ABCA1: variants seen among roughly 807,000 people sequenced by gnomAD.
ABCA1 encodes the protein phospholipid-transporting ATPase ABCA1.
Under a neutral mutation model 262.5 loss-of-function variants are expected in ABCA1, and 133 were observed. That is an observed-to-expected ratio of 0.51 (90% confidence interval 0.44 to 0.59). ABCA1 has a LOEUF of 0.59. ABCA1 is among the 20% of genes least tolerant of loss of function. ABCA1 has a pLI of 0.00. For synonymous variants in ABCA1, 1,022 were observed against 1,043.5 expected (o/e 0.98, Z 0.40); for missense variants, 2,452 against 2,777.5 (o/e 0.88, Z 2.63).
chr9:104,872,299 A>G (rs1351568737), intron 5 of ABCA1, among the ~76,000 whole-genome samples: 1 of 152,212 alleles, frequency 6.6e-6, no homozygotes, highest in African/African-American at 2.4e-5. Flanking sequence ...TTTGACTGCA[A>G]AGCTTTGGTT....
In ABCA1 at chr9:104,826,991, A is replaced by C; in HGVS notation, c.2294T>G (p.Val765Gly). 6.2e-7 allele frequency: 1 copy of C among 1,614,198 alleles called. No individual in the cohort carries two copies. The highest frequency in any genetic ancestry group is 8.5e-7 in the Non-Finnish European group (1 of 1,180,036). Residue 765 changes from valine to glycine, a missense_variant, in exon 16 of 50, where the codon GTG becomes GGG. Val to Gly is a moderately radical substitution (Grantham distance 109). Transcript: ENST00000374736. ...GAAGCCCACGTAGTCCTGCCATGCC[A>C]CACACAGGACGTAGGGCAGGTACAG... Reference protein sequence around the residue: ...FTLYLPYVLCVAWQDYVGFTL... With the variant: ...FTLYLPYVLCGAWQDYVGFTL...
At chr9:104,858,788 T>C (rs1836074460) in intron 6 of ABCA1, 90 bp from the exon 7 acceptor site, 2 of 1,283,698 alleles carry the variant, frequency 1.6e-6, no homozygotes, top group Non-Finnish European at 2.3e-6. Flanking sequence ...GAACTTCATA[T>C]CAATACAGCT....
At chr9:104,862,640 G>C (rs28523599) in intron 5 of ABCA1, among the ~76,000 whole-genome samples, 198 of 1,762 alleles carry the variant, frequency 0.11, 3 homozygotes, top group East Asian at 0.2. Flanking sequence ...CTGCCGGGCC[G>C]GGCCGGGCCG....
At chr9:104,889,318 C>G (rs1839499188) in intron 2 of ABCA1, 123 bp from the exon 3 acceptor site, 1 of 1,534,910 alleles carries the variant, frequency 6.5e-7, no homozygotes, top group Non-Finnish European at 8.8e-7. Context: ...CCAGTCTCTC[C>G]CACCACTCTC....
rs1461343844 is a variant in ABCA1 at position 104,873,617 on chromosome 9, G to A, written c.421+9422C>T. Among the ~76,000 whole-genome samples the A allele has an allele frequency of 2.6e-5, 4 of 152,168 alleles. No homozygotes were observed. The East Asian group carries it at 7.7e-4, about 29-fold the overall frequency. The stretch of plus-strand genomic sequence containing the variant: ...AAACTGGAATTCTGGTCCTATTACT[G>A]CCCCTTGCCAGCTGTGCTTTCTTAG... On this transcript the variant is annotated intron_variant, in intron 5 of 49. Coordinates refer to ENST00000374736, the MANE Select transcript of ABCA1 (RefSeq NM_005502.4).
At chr9:104,792,441 G>A (rs1829507811) in intron 42 of ABCA1, among the ~76,000 whole-genome samples, 1 of 152,120 alleles carries the variant, frequency 6.6e-6, no homozygotes, top group African/African-American at 2.4e-5. Flanking sequence ...CAATATATCA[G>A]CTTTTTGGAC....
chr9:104,800,421 T>C, intron 35 of ABCA1, 89 bp downstream of exon 35: 2 of 1,284,186 alleles, frequency 1.6e-6, no homozygotes, highest in Non-Finnish European at 2.3e-6. Flanking sequence ...TGAATGCCCC[T>C]GCCAACTTTA....
chr9:104,803,411 G>A (rs1452968047), intron 32 of ABCA1, 95 bp from the exon 33 acceptor site: 21 of 1,254,520 alleles, frequency 1.7e-5, no homozygotes, highest in Non-Finnish European at 2.2e-5. Flanking sequence ...GAGGATATAA[G>A]GAACGGACAG....
intron 6 of ABCA1, among the ~76,000 whole-genome samples, chr9:104,861,064 C>T (rs1168141801): frequency 6.6e-6 from 1 of 152,104 alleles, no homozygotes; most frequent in Non-Finnish European, 1.5e-5. Flanking sequence ...GAAGTGATCT[C>T]GTCCATCCCA....
chr9:104,801,993 C>T (rs917103761), intron 34 of ABCA1, 61 bp downstream of exon 34: 3 of 1,476,544 alleles, frequency 2.0e-6, no homozygotes, highest in Middle Eastern at 1.7e-4. Flanking sequence ...CTGCCAACTA[C>T]TCCTATATCC....
chr9:104,831,688 T>A lies in ABCA1; in HGVS notation c.1649A>T (p.His550Leu), dbSNP rs1248100757. 5.0e-6 allele frequency: 8 copies of A among 1,614,092 alleles called. No homozygotes were observed. Among genetic ancestry groups the A allele is most frequent in the East Asian group, 2.2e-5 (1 of 44,898 alleles). ...CATTCGGATCTTGTACTTGACATGA[T>A]GGGGCAGCTCAATGCTGCCTGGAGT... ...GITPGSIELP[H>L]HVKYKIRMDI... Residue 550 changes from histidine to leucine, a missense_variant, in exon 13 of 50, where the codon CAT becomes CTT. Transcript: ENST00000374736.
At chr9:104,906,163 A>G (rs1323533034) in intron 1 of ABCA1, among the ~76,000 whole-genome samples, 1 of 152,206 alleles carries the variant, frequency 6.6e-6, no homozygotes. Context: ...TCCAAACAGG[A>G]CGTTCCATTA....
At chr9:104,880,003 A>C (rs1838487243) in intron 5 of ABCA1, among the ~76,000 whole-genome samples, 1 of 152,206 alleles carries the variant, frequency 6.6e-6, no homozygotes, top group Non-Finnish European at 1.5e-5. Flanking sequence ...ATTTCAAGGA[A>C]AACAGAATTA....
At chr9:104,868,233 C>A (rs1837264887) in intron 5 of ABCA1, among the ~76,000 whole-genome samples, 1 of 152,142 alleles carries the variant, frequency 6.6e-6, no homozygotes, top group Admixed American at 6.5e-5. Flanking sequence ...GTGGCGCATG[C>A]CTGTAATCCC....
rs149792445 is a variant in ABCA1 at position 104,815,294 on chromosome 9, A to T, written c.3739-819T>A. On this transcript the variant is annotated intron_variant, in intron 25 of 49. Coordinates refer to ENST00000374736, the MANE Select transcript of ABCA1 (RefSeq NM_005502.4). ...GTATGCAATAGAAATACAGACTTCA[A>T]GGCCTCACCTCCAGAAATTCTGATT... Among the ~76,000 whole-genome samples, 776 of 152,366 alleles carry T rather than the reference A, an allele frequency of 5.1e-3. 7 individuals are homozygous for T. Among genetic ancestry groups the T allele is most frequent in the Middle Eastern group, 0.02 (6 of 294 alleles).
intron 22 of ABCA1, 30 bp downstream of exon 22, chr9:104,819,556 A>G (rs751969876): frequency 4.3e-6 from 7 of 1,613,828 alleles, no homozygotes; most frequent in Non-Finnish European, 5.9e-6. Context: ...CTCTCAGTCC[A>G]TTTACTCAGA....
At chr9:104,862,605 C>A (rs1836519905) in intron 5 of ABCA1, among the ~76,000 whole-genome samples, 1 of 142,926 alleles carries the variant, frequency 7.0e-6, no homozygotes, top group Non-Finnish European at 1.5e-5. Context: ...ATCAGAATCA[C>A]CTGGAGAGCT....
chr9:104,813,200 G>A (rs1317519592), intron 27 of ABCA1, among the ~76,000 whole-genome samples: 3 of 152,212 alleles, frequency 2.0e-5, no homozygotes, highest in African/African-American at 7.2e-5. Context: ...AAGTCAGGCA[G>A]TTATATATAA....
chr9:104,800,612 TG>T, intron 34 of ABCA1, 28 bp from the exon 35 acceptor site: 1 of 1,609,592 alleles, frequency 6.2e-7, no homozygotes, highest in Non-Finnish European at 8.5e-7. Context: ...CTGCCTCAGT[TG>T]TGACTGTTCA....
Sources: allele counts gnomAD v4.1 joint callset (sites outside exome capture counted in the v4.1 genomes callset), GRCh38; gene constraint gnomAD v4.1.1; transcripts MANE v1.5; gene names NCBI Gene and HGNC (gene_info 2026-07-23, HGNC 2026-07-21).